Variants in PPCS observed in about 807,000 individuals in gnomAD.
PPCS encodes phosphopantothenoylcysteine synthetase, also known as phosphopantothenate--cysteine ligase.
Under a neutral mutation model 24.6 loss-of-function variants are expected in PPCS, and 17 were observed. The observed-to-expected ratio is 0.69, with a 90% CI of 0.47 to 1.04. PPCS has a LOEUF of 1.04. Among genes scored for constraint, PPCS ranks in the 50% least tolerant of loss-of-function variants. PPCS has a pLI of 0.00. For missense variants in PPCS, 360 were observed against 402.8 expected, an observed-to-expected ratio of 0.89 and a Z score of 0.91; for synonymous variants, 190 against 168.3, an observed-to-expected ratio of 1.13 and a Z score of -1.00.
In PPCS at chr1:42,460,035, A is replaced by G; in HGVS notation, c.*109A>G. 1 of 1,444,804 alleles carries G rather than the reference A, an allele frequency of 6.9e-7. No individual in the cohort carries two copies. The highest frequency in any genetic ancestry group is 9.0e-7 in the Non-Finnish European group (1 of 1,105,010). The allele number at this position is 1,444,804 out of a possible 1,614,324, so 89.5% of individuals were successfully genotyped here. Reference sequence around the variant, plus strand: ...GGACAGATAAAATGAAAGAAAGGGAAAAGGCAGTGGTGTGTAGGCAAATAT... The same window carrying G: ...GGACAGATAAAATGAAAGAAAGGGAGAAGGCAGTGGTGTGTAGGCAAATAT... On this transcript the variant is annotated 3_prime_UTR_variant, in exon 3 of 3. Transcript: ENST00000372561.
intron 2 of PPCS, 53 bp from the exon 3 acceptor site, chr1:42,459,550 C>A: frequency 7.1e-7 from 1 of 1,416,122 alleles, no homozygotes; most frequent in Non-Finnish European, 9.8e-7. Context: ...TGAGATTGAC[C>A]TGGTAGGTAA....
In PPCS at chr1:42,459,942, T is replaced by C; in HGVS notation, c.*16T>C. On this transcript the variant is annotated 3_prime_UTR_variant, in exon 3 of 3. Transcript: ENST00000372561. ...CAGAAACTGAAGTAAAAAGCCCTTA[T>C]AGGATCAAAAATTGTTCAGGGCTCT... 1 of 1,575,482 alleles carries C rather than the reference T, an allele frequency of 6.3e-7. No individual in the cohort carries two copies. The highest frequency in any genetic ancestry group is 8.6e-7 in the Non-Finnish European group (1 of 1,163,846).
chr1:42,457,272 T>A lies in PPCS; in HGVS notation c.534T>A (p.Ala178=). The A allele has an allele frequency of 6.2e-7, 1 of 1,614,226 alleles. No individual in the cohort carries two copies. Among genetic ancestry groups the A allele is most frequent in the Non-Finnish European group, 8.5e-7 (1 of 1,180,038 alleles). ...GCCCTTCTGCGATGTTTTACCTGGC[T>A]GCGGCTGTGTCAGATTTCTATGTTC... ...PLGPSAMFYL[A]AAVSDFYVPV... The change falls in exon 2 of 3, where the codon GCT becomes GCA. Residue 178 remains alanine (A), a synonymous_variant. Transcript: ENST00000372561.
At chr1:42,470,252 A>G (rs1315345084) in intron 2 of PPCS, among the ~76,000 whole-genome samples, 1 of 151,562 alleles carries the variant, frequency 6.6e-6, no homozygotes, top group African/African-American at 2.4e-5. Flanking sequence ...GAATTCTTTT[A>G]GTTTAAGAGA....
rs777276802 is a variant in PPCS, at chr1:42,459,581, A to C, written c.613-22A>C. On this transcript the variant is annotated intron_variant, in intron 2 of 2. Transcript: ENST00000372561. ...GGTAATGACCATTGTTTGCTTATTA[A>C]GCTTTTCTTTTTCCAATACAGATAA... is the stretch of plus-strand genomic sequence containing the variant. The C allele has an allele frequency of 1.9e-6, 3 of 1,597,120 alleles. No individual in the cohort carries two copies. In the Admixed American group the frequency reaches 5.2e-5, roughly 28 times the overall value.
intron 2 of PPCS, among the ~76,000 whole-genome samples, chr1:42,469,957 G>T (rs1224044172): frequency 6.6e-6 from 1 of 152,172 alleles, no homozygotes; most frequent in Non-Finnish European, 1.5e-5. Flanking sequence ...CAGAGGCCAT[G>T]AATTTGTAAT....
intron 2 of PPCS, among the ~76,000 whole-genome samples, chr1:42,467,560 A>G (rs1243229914): frequency 2.6e-5 from 4 of 152,212 alleles, no homozygotes; most frequent in Non-Finnish European, 5.9e-5. Context: ...GAGGAGGGAA[A>G]GATGAATGGG....
chr1:42,467,448 C>T (rs1312642803), intron 2 of PPCS, among the ~76,000 whole-genome samples: 1 of 152,086 alleles, frequency 6.6e-6, no homozygotes, highest in Non-Finnish European at 1.5e-5. Flanking sequence ...TGACTGGTTG[C>T]ATACCAGAGT....
At chr1:42,457,674 C>G (rs945635337) in intron 2 of PPCS, 3 of 282,408 alleles carry the variant, frequency 1.1e-5, no homozygotes, top group African/African-American at 6.6e-5. Context: ...TGAGCAGAAC[C>G]GAGCGCGGTG....
downstream of PPCS, chr1:42,463,259 GTCTGCGTC>G (rs2148426118): frequency 6.6e-6 from 1 of 152,366 alleles, no homozygotes; most frequent in South Asian, 2.1e-4. Context: ...GGAAGGACGC[GTCTGCGTC>G]TCTGCGGCGA....
At chr1:42,472,964 G>A (rs1006232491) in intron 2 of PPCS, among the ~76,000 whole-genome samples, 15 of 152,124 alleles carry the variant, frequency 9.9e-5, no homozygotes, top group African/African-American at 3.4e-4. Flanking sequence ...ATACATAAGT[G>A]TGATGAAGGT....
In PPCS at chr1:42,457,024, G is replaced by T. The variant is rs771056158; in HGVS notation, c.459G>T (p.Ala153=). Residue 153 remains alanine, a synonymous_variant, in exon 1 of 3, where the codon GCG becomes GCT. Coordinates refer to ENST00000372561, the MANE Select transcript of PPCS (RefSeq NM_024664.4). ...TFLAVEFTTL[A]DYLHLLQAAA... ...TGGCAGTAGAGTTCACCACTTTGGC[G>T]GACTATTTGCATCTGTTGCAGGCTG... is the stretch of plus-strand genomic sequence containing the variant. 1 of 1,601,822 alleles carries T rather than the reference G, an allele frequency of 6.2e-7. No individual in the cohort carries two copies. The highest frequency in any genetic ancestry group is 8.5e-7 in the Non-Finnish European group (1 of 1,179,782).
chr1:42,463,369 C>T (rs981559797), downstream of PPCS: 1 of 152,222 alleles, frequency 6.6e-6, no homozygotes, highest in Non-Finnish European at 1.5e-5. Context: ...GCTCGCGGCA[C>T]CCTCCGCAGG....
intron 2 of PPCS, among the ~76,000 whole-genome samples, chr1:42,467,096 G>A (rs1348019182): frequency 6.6e-6 from 1 of 152,166 alleles, no homozygotes; most frequent in Non-Finnish European, 1.5e-5. Context: ...GGACCAATAA[G>A]TATACTGACA....
downstream of PPCS, among the ~76,000 whole-genome samples, chr1:42,465,340 C>T (rs1643537887): frequency 6.6e-6 from 1 of 151,980 alleles, no homozygotes; most frequent in Admixed American, 6.6e-5. Context: ...CATTCTAGGA[C>T]AGTTTTTTTT....
chr1:42,464,916 T>C (rs1196294581), downstream of PPCS, among the ~76,000 whole-genome samples: 2 of 152,208 alleles, frequency 1.3e-5, no homozygotes, highest in African/African-American at 4.8e-5. Flanking sequence ...TACTGAGAAA[T>C]TCAGCTTTCT....
exon 3 of PPCS, chr1:42,473,356 C>T (rs1488675650): frequency 9.9e-7 from 1 of 1,012,208 alleles, no homozygotes; most frequent in African/African-American, 1.7e-5. Flanking sequence ...TGTTCATTGC[C>T]CTTCATTAAA....
chr1:42,458,768 C>CTA (rs1643315842), intron 2 of PPCS, among the ~76,000 whole-genome samples: 1 of 152,142 alleles, frequency 6.6e-6, no homozygotes, highest in Admixed American at 6.5e-5. Context: ...AGCAACTGAA[C>CTA]ATTACCCTGA....
intron 2 of PPCS, among the ~76,000 whole-genome samples, chr1:42,470,139 G>A (rs1335810872): frequency 6.6e-6 from 1 of 152,200 alleles, no homozygotes; most frequent in Non-Finnish European, 1.5e-5. Context: ...ATGATCAACA[G>A]TTGGGTTTAG....
Sources: allele counts gnomAD v4.1 joint callset (sites outside exome capture counted in the v4.1 genomes callset), GRCh38; gene constraint gnomAD v4.1.1; transcripts MANE v1.5; gene names NCBI Gene and HGNC (gene_info 2026-07-23, HGNC 2026-07-21).